Variants in GREP1 observed in about 807,000 individuals in gnomAD.
GREP1 encodes glycine-rich extracellular protein 1.
intron 29 of GREP1, 139 bp downstream of exon 26, chr16:3,000,257 C>G: frequency 2.5e-6 from 1 of 399,486 alleles, no homozygotes; most frequent in Non-Finnish European, 4.4e-6. Context: ...TTCCACTAGC[C>G]TGTCCCTAGC....
In GREP1 at chr16:2,994,679, C is replaced by G. The variant is rs1053548477; in HGVS notation, c.386-19C>G. The G allele has an allele frequency of 1.0e-5, 4 of 399,086 alleles. No individual in the cohort carries two copies. The highest frequency in any genetic ancestry group is 4.4e-5 in the Admixed American group (1 of 22,736). 24.7% of individuals were successfully genotyped at this position (399,086 alleles called of 1,614,324 possible). A position where few individuals can be genotyped will look rare whatever the true frequency, so the allele number is the denominator to read the frequency against. On this transcript the variant is annotated intron_variant, in intron 10 of 34. Transcript: ENST00000573315. ...CATCCAGGGCTCCGGAGGGCCTTAA[C>G]CCTTTCTCTCCTCCACAGGCCCCAC...
intron 2 of GREP1, chr16:2,988,967 G>A: frequency 3.2e-6 from 1 of 313,004 alleles, no homozygotes; most frequent in Non-Finnish European, 5.8e-6. Flanking sequence ...CCTGCTGAGG[G>A]GCAGGAGGTG....
chr16:2,997,750 G>A (rs548843785), intron 22 of GREP1, 53 bp from the exon 21 acceptor site: 1 of 398,578 alleles, frequency 2.5e-6, no homozygotes, highest in African/African-American at 2.1e-5. Context: ...GTCTGGAAGA[G>A]ACCCCTCAGT....
At chr16:2,990,220 C>A in intron 5 of GREP1, 98 bp downstream of exon 5, 1 of 398,210 alleles carries the variant, frequency 2.5e-6, no homozygotes, top group Non-Finnish European at 4.4e-6. Flanking sequence ...GAGAGCCTCT[C>A]AGGTTTGCTG....
Position 2,991,106 on chromosome 16 carries a change from G to A in GREP1, c.322+5G>A, listed in dbSNP as rs2072396869. On this transcript the variant is annotated splice_donor_5th_base_variant and intron_variant, in intron 8 of 34. Coordinates refer to ENST00000573315, the Ensembl canonical transcript of GREP1. The surrounding 1 kb of genome is among the most constrained non-coding windows in gnomAD (Gnocchi z 4.9). ...CAGTGGCCGGAGCCCAGTCAGGTGA[G>A]GAAACGTCGGGTGTGGCAGGACCTG... 1 of 399,294 alleles carries A rather than the reference G, an allele frequency of 2.5e-6. No homozygotes were observed. Among genetic ancestry groups the A allele is most frequent in the Non-Finnish European group, 4.4e-6 (1 of 226,324 alleles). 24.7% of individuals were successfully genotyped at this position (399,294 alleles called of 1,614,324 possible). A position where few individuals can be genotyped will look rare whatever the true frequency, so the allele number is the denominator to read the frequency against.
intron 23 of GREP1, 126 bp downstream of exon 21, chr16:2,997,961 G>A: frequency 2.5e-6 from 1 of 394,046 alleles, no homozygotes; most frequent in Middle Eastern, 6.3e-4. Flanking sequence ...GAGCCTTCCT[G>A]TGGGAAGGAG....
Position 2,991,530 on chromosome 16 carries a change from A to C in GREP1, c.322+429A>C. The C allele has an allele frequency of 6.3e-6, 1 of 158,884 alleles. No homozygotes were observed. Among genetic ancestry groups the C allele is most frequent in the Non-Finnish European group, 1.4e-5 (1 of 72,810 alleles). The allele number at this position is 158,884 out of a possible 1,614,324, so 9.8% of individuals were successfully genotyped here. On this transcript the variant is annotated intron_variant, in intron 8 of 34. Coordinates refer to ENST00000573315, the Ensembl canonical transcript of GREP1. This position sits in a 1 kb window ranked among gnomAD's most constrained non-coding sequence, Gnocchi z 4.9. ...CTTAGGGGAGGAGCTCTTAGGGTCA[A>C]TGTCAGCCTCTTTCTAGCTCTCCCC...
Position 2,991,675 on chromosome 16 carries a change from C to T in GREP1, c.322+574C>T, listed in dbSNP as rs1220142598. 6.6e-6 allele frequency: 1 copy of T among 152,508 alleles called. No homozygotes were observed. Among genetic ancestry groups the T allele is most frequent in the Non-Finnish European group, 1.5e-5 (1 of 68,234 alleles). 9.4% of individuals were successfully genotyped at this position (152,508 alleles called of 1,614,324 possible). Reference sequence around the variant, plus strand: ...TGTCCCCCTCTCGGTCTGTGTTACCCTCCCCAGGCACTCGTCCCTCTGTGG... The same window carrying T: ...TGTCCCCCTCTCGGTCTGTGTTACCTTCCCCAGGCACTCGTCCCTCTGTGG... On this transcript the variant is annotated intron_variant, in intron 8 of 34. Coordinates refer to ENST00000573315, the Ensembl canonical transcript of GREP1. This position sits in a 1 kb window ranked among gnomAD's most constrained non-coding sequence, Gnocchi z 4.9.
chr16:2,999,599 C>T (rs546210516), intron 27 of GREP1, among the ~76,000 whole-genome samples: 37 of 151,582 alleles, frequency 2.4e-4, no homozygotes, highest in African/African-American at 8.0e-4. Flanking sequence ...ATTACAGGCA[C>T]GCACCACCAT....
At position 2,988,348 on chromosome 16, in the gene GREP1, G is replaced by A; in HGVS notation, c.67+5G>A. On this transcript the variant is annotated splice_donor_5th_base_variant and intron_variant, in intron 1 of 34. Coordinates refer to ENST00000573315, the Ensembl canonical transcript of GREP1. ...CTTCCGAGAGCCTGCAAGGTGGTGA[G>A]GGCAGCTTGGGGCTGGGGGTTGGAG... is the stretch of plus-strand genomic sequence containing the variant. 1 of 399,326 alleles carries A rather than the reference G, an allele frequency of 2.5e-6. No homozygotes were observed. 24.7% of individuals were successfully genotyped at this position (399,326 alleles called of 1,614,324 possible). A position where few individuals can be genotyped will look rare whatever the true frequency, so the allele number is the denominator to read the frequency against.
Position 2,989,505 on chromosome 16 carries a change from A to T in GREP1, c.101-18A>T, listed in dbSNP as rs1173015105. On this transcript the variant is annotated intron_variant, in intron 2 of 34. Coordinates refer to ENST00000573315, the Ensembl canonical transcript of GREP1. This position sits in a 1 kb window ranked among gnomAD's most constrained non-coding sequence, Gnocchi z 4.2. ...GCTGCTCCAGCACCCCGGGCTCAACATCTCACTTCTCCCACAGTCTATGGC... is the reference window on the plus strand; with the variant it reads ...GCTGCTCCAGCACCCCGGGCTCAACTTCTCACTTCTCCCACAGTCTATGGC... 1 of 399,028 alleles carries T rather than the reference A, an allele frequency of 2.5e-6. No individual in the cohort carries two copies. The highest frequency in any genetic ancestry group is 4.4e-6 in the Non-Finnish European group (1 of 226,192). The allele number at this position is 399,028 out of a possible 1,614,324, so 24.7% of individuals were successfully genotyped here.
chr16:2,994,628 C>T (rs990108236), intron 10 of GREP1, 70 bp from the exon 12 acceptor site: 2 of 398,724 alleles, frequency 5.0e-6, no homozygotes, highest in African/African-American at 2.1e-5. Flanking sequence ...GGTGGGGACA[C>T]CCCTGCCCGA....
intron 23 of GREP1, 141 bp downstream of exon 21, chr16:2,997,976 G>A: frequency 2.8e-6 from 1 of 354,868 alleles, no homozygotes; most frequent in Non-Finnish European, 5.0e-6. Flanking sequence ...AAGGAGCCCA[G>A]CCAGGTGAGG....
At chr16:2,994,191 A>G (rs2072412879) in intron 10 of GREP1, 1 of 152,094 alleles carries the variant, frequency 6.6e-6, no homozygotes. Context: ...AGTTTTGAAC[A>G]AAGAAGGTAC....
intron 15 of GREP1, 35 bp from the exon 16 acceptor site, chr16:2,995,584 C>A: frequency 2.5e-6 from 1 of 398,858 alleles, no homozygotes; most frequent in East Asian, 3.6e-5. Context: ...CTCAACCAAA[C>A]CCCAAATCCC....
intron 27 of GREP1, chr16:2,999,307 G>T: frequency 2.5e-6 from 1 of 398,796 alleles, no homozygotes; most frequent in Non-Finnish European, 4.4e-6. Flanking sequence ...GCAGGTGTGA[G>T]TCTGTCTGCC....
intron 10 of GREP1, chr16:2,994,167 T>G (rs997899819): frequency 6.6e-6 from 1 of 152,104 alleles, no homozygotes; most frequent in African/African-American, 2.4e-5. Flanking sequence ...TCTGAGAAAC[T>G]GAACCAAAAG....
chr16:2,991,388 C>G lies in GREP1; in HGVS notation c.322+287C>G. The G allele has an allele frequency of 3.0e-6, 1 of 334,652 alleles. No individual in the cohort carries two copies. Among genetic ancestry groups the G allele is most frequent in the Non-Finnish European group, 5.4e-6 (1 of 185,956 alleles). The allele number at this position is 334,652 out of a possible 1,614,324, so 20.7% of individuals were successfully genotyped here. On this transcript the variant is annotated intron_variant, in intron 8 of 34. Transcript: ENST00000573315. The surrounding 1 kb of genome is among the most constrained non-coding windows in gnomAD (Gnocchi z 4.9). Reference sequence around the variant, plus strand: ...CCAATGTCTCCCCAGGATTGGGGAGCAGAAGTGGTTTGGGCGCTGGCACTC... The same window carrying G: ...CCAATGTCTCCCCAGGATTGGGGAGGAGAAGTGGTTTGGGCGCTGGCACTC...
exon 34 of GREP1, chr16:3,001,326 G>T: frequency 2.5e-6 from 1 of 399,172 alleles, no homozygotes; most frequent in Non-Finnish European, 4.4e-6. Flanking sequence ...CTGGGGAATG[G>T]CTACGGAGGT....
Sources: allele counts gnomAD v4.1 joint callset (sites outside exome capture counted in the v4.1 genomes callset), GRCh38; gene constraint gnomAD v4.1.1; non-coding constraint Gnocchi (gnomAD v3.1); transcripts MANE v1.5; gene names NCBI Gene and HGNC (gene_info 2026-07-23, HGNC 2026-07-21).